The following SNW1 variants were observed in gnomAD, a reference collection of about 807,000 sequenced individuals.
SNW1 encodes the protein SNW domain-containing protein 1.
A neutral mutation model predicts 75.6 loss-of-function variants in SNW1; 9 were observed. The ratio of observed to expected loss-of-function variants is 0.12; its 90% CI spans 0.07 to 0.21. SNW1 has a LOEUF of 0.21. SNW1 is among the 10% of genes least tolerant of loss of function. The pLI is 1.00. For missense variants in SNW1, 409 were observed against 670.9 expected, an observed-to-expected ratio of 0.61 and a Z score of 4.31; for synonymous variants, 200 against 219.1, an observed-to-expected ratio of 0.91 and a Z score of 0.77.
chr14:77,747,645 C>T (rs1424733268), intron 3 of SNW1, among the ~76,000 whole-genome samples: 3 of 151,188 alleles, frequency 2.0e-5, no homozygotes, highest in Admixed American at 6.6e-5. Context: ...GCCCGGCAGC[C>T]GTCCCATCTG....
intron 3 of SNW1, among the ~76,000 whole-genome samples, chr14:77,741,187 AAATG>A (rs1421649362): frequency 2.0e-5 from 3 of 152,042 alleles, no homozygotes; most frequent in Non-Finnish European, 4.4e-5. Context: ...ATGAATAAAT[AAATG>A]AATTTTAGAG....
intron 1 of SNW1, among the ~76,000 whole-genome samples, chr14:77,755,749 T>C (rs1017833339): frequency 6.6e-6 from 1 of 151,464 alleles, no homozygotes; most frequent in Non-Finnish European, 1.5e-5. Context: ...CTTTCCTTTT[T>C]TTTTTTTGAG....
rs1490823893 is a variant in SNW1 at position 77,761,106 on chromosome 14, C to CA, written c.14+7dup. Reference sequence around the variant, plus strand: ...CTTCCGTATCGAGGACCCCAATCAACAACCCACCTGGTGAGCGCCATCTTC... The same window carrying CA: ...CTTCCGTATCGAGGACCCCAATCAACAAACCCACCTGGTGAGCGCCATCTTC... On this transcript the variant is annotated splice_region_variant and intron_variant, in intron 1 of 13. Transcript: ENST00000261531. 1.2e-6 allele frequency: 2 copies of CA among 1,614,150 alleles called. No individual in the cohort carries two copies. The highest frequency in any genetic ancestry group is 1.7e-6 in the Non-Finnish European group (2 of 1,180,056).
chr14:77,745,973 GTTA>G (rs535239607), intron 3 of SNW1, among the ~76,000 whole-genome samples: 134 of 152,256 alleles, frequency 8.8e-4, no homozygotes, highest in Non-Finnish European at 1.5e-3. Context: ...GCAGCGAGTC[GTTA>G]TTGTGCCACT....
At chr14:77,747,856 C>T (rs906668267) in intron 3 of SNW1, among the ~76,000 whole-genome samples, 18 of 151,836 alleles carry the variant, frequency 1.2e-4, no homozygotes, top group African/African-American at 4.1e-4. Context: ...TGCCCGGCCG[C>T]CCCGTCTGGG....
At chr14:77,732,445 A>T in intron 9 of SNW1, 40 bp downstream of exon 9, 2 of 1,103,142 alleles carry the variant, frequency 1.8e-6, no homozygotes, top group Non-Finnish European at 2.8e-6. Flanking sequence ...AATGGATTTT[A>T]AAAGTAACAA....
rs770525942 is a variant in SNW1, at chr14:77,754,959, A to G, written c.168+8T>C. On this transcript the variant is annotated splice_region_variant and intron_variant, in intron 2 of 13. Coordinates refer to ENST00000261531, the MANE Select transcript of SNW1 (RefSeq NM_012245.3). ...TTTAACAAATCTAAACTTAAGATCT[A>G]TATGTACCTCTAATAACCGAGGTAT... 2.1e-5 allele frequency: 33 copies of G among 1,579,894 alleles called. No homozygotes were observed. The Admixed American group carries it at 3.5e-4, about 17-fold the overall frequency.
In SNW1 at chr14:77,751,334, T is replaced by C; in HGVS notation, c.315A>G (p.Gly105=). The change falls in exon 3 of 14, where the codon GGA becomes GGG. Residue 105 remains glycine, a synonymous_variant. Transcript: ENST00000261531. ...AGAGGATTACCTTGTCTTTTGACTG[T>C]CCTTGTCGAGCAATTGCATCATATT... is the stretch of plus-strand genomic sequence containing the variant. ...KIKYDAIARQ[G]QSKDKVIYSK... 1 of 1,612,986 alleles carries C rather than the reference T, an allele frequency of 6.2e-7. No homozygotes were observed. The highest frequency in any genetic ancestry group is 8.5e-7 in the Non-Finnish European group (1 of 1,179,640).
At chr14:77,756,424 T>C (rs1252347764) in intron 1 of SNW1, among the ~76,000 whole-genome samples, 1 of 152,170 alleles carries the variant, frequency 6.6e-6, no homozygotes, top group Non-Finnish European at 1.5e-5. Flanking sequence ...CCACCACGCC[T>C]GGCTACTCCT....
intron 3 of SNW1, among the ~76,000 whole-genome samples, chr14:77,740,155 AAAAG>A (rs2080706323): frequency 1.1e-5 from 1 of 90,582 alleles, no homozygotes; most frequent in Non-Finnish European, 2.2e-5. Flanking sequence ...AAAAAAAAAA[AAAAG>A]AGAGAGATAC....
At position 77,717,962 on chromosome 14, in the gene SNW1, AAAG is replaced by A. The variant is rs2080502688; in HGVS notation, c.*123_*125del. On this transcript the variant is annotated 3_prime_UTR_variant, in exon 14 of 14. Coordinates refer to ENST00000261531, the MANE Select transcript of SNW1 (RefSeq NM_012245.3). ...ATCCCCCCCATTTCTCCAGTAATAA[AAAG>A]TAGTGCTGGGATCTGGCACCCAGAT... The A allele has an allele frequency of 1.2e-6, 1 of 806,576 alleles. No individual in the cohort carries two copies. The highest frequency in any genetic ancestry group is 1.7e-5 in the African/African-American group (1 of 58,344). The allele number at this position is 806,576 out of a possible 1,614,324, so 50.0% of individuals were successfully genotyped here.
chr14:77,737,385 A>T (rs2080681676), intron 5 of SNW1, among the ~76,000 whole-genome samples: 1 of 152,170 alleles, frequency 6.6e-6, no homozygotes, highest in Admixed American at 6.5e-5. Flanking sequence ...CCTATTTAGT[A>T]TGCCTGCATC....
chr14:77,742,674 T>C (rs2080727684), intron 3 of SNW1, among the ~76,000 whole-genome samples: 1 of 152,012 alleles, frequency 6.6e-6, no homozygotes, highest in Non-Finnish European at 1.5e-5. Flanking sequence ...TTAAAGTTGT[T>C]ACGGTTTTTT....
At chr14:77,751,207 C>T in intron 3 of SNW1, 112 bp downstream of exon 3, 1 of 1,120,206 alleles carries the variant, frequency 8.9e-7, no homozygotes. Context: ...GCCACCATGC[C>T]CAGCCACTGC....
chr14:77,746,692 T>C (rs1479548118), intron 3 of SNW1, among the ~76,000 whole-genome samples: 2 of 151,484 alleles, frequency 1.3e-5, no homozygotes, highest in African/African-American at 2.4e-5. Flanking sequence ...CCTATATAGA[T>C]TAATAAAAAA....
intron 12 of SNW1, among the ~76,000 whole-genome samples, chr14:77,719,838 TAATA>T (rs140505579): frequency 0.17 from 25,277 of 152,096 alleles, 2,384 homozygotes; most frequent in Non-Finnish European, 0.22. Context: ...AAAATGCATC[TAATA>T]AATTATCACT....
rs1237668665 is a variant in SNW1, at chr14:77,740,041, G to GGA, written c.331-982_331-981dup. On this transcript the variant is annotated intron_variant, in intron 3 of 13. Coordinates refer to ENST00000261531, the MANE Select transcript of SNW1 (RefSeq NM_012245.3). ...CCCAGCTACTCGGGAGGCTGAGGCA[G>GGA]GAGAATGGCTTTAACCCGGGAGGAA... 2.0e-5 allele frequency among the ~76,000 whole-genome samples: 3 copies of GGA among 150,996 alleles called. No homozygotes were observed. The East Asian group carries it at 5.8e-4, about 29-fold the overall frequency.
At chr14:77,747,408 C>T (rs1437618982) in intron 3 of SNW1, among the ~76,000 whole-genome samples, 1 of 151,776 alleles carries the variant, frequency 6.6e-6, no homozygotes, top group Admixed American at 6.6e-5. Context: ...CCCCTCTGCC[C>T]GGCCGCCCAG....
At chr14:77,730,867 C>G (rs2080622218) in intron 10 of SNW1, 121 bp downstream of exon 10, 1 of 968,026 alleles carries the variant, frequency 1.0e-6, no homozygotes, top group African/African-American at 1.6e-5. Flanking sequence ...TACACTATAT[C>G]TGATGTATCT....
Sources: gnomAD v4.1 joint callset for allele counts (sites outside exome capture counted in the v4.1 genomes callset) on GRCh38, gnomAD v4.1.1 for gene constraint, MANE v1.5 for transcripts, NCBI Gene and HGNC (gene_info 2026-07-23, HGNC 2026-07-21) for gene names.